ERBB4: variants seen among roughly 807,000 people sequenced by gnomAD.
The protein encoded by ERBB4 is erb-b2 receptor tyrosine kinase 4.
ERBB4 carries 42 observed loss-of-function variants against 158.0 expected under a neutral mutation model. The ratio of observed to expected loss-of-function variants is 0.27; its 90% CI spans 0.21 to 0.34. ERBB4 has a LOEUF of 0.34. Among genes scored for constraint, ERBB4 ranks in the 10% least tolerant of loss-of-function variants. The probability of loss-of-function intolerance (pLI) is 1.00; values close to 1 mark genes in which losing one functional copy is unlikely to be tolerated. For synonymous variants in ERBB4, 583 were observed against 558.7 expected (o/e 1.04, Z -0.61); for missense variants, 1,333 against 1,624.1 (o/e 0.82, Z 3.08).
intron 1 of ERBB4, among the ~76,000 whole-genome samples, chr2:212,164,300 A>AG (rs1441882649): frequency 6.6e-6 from 1 of 151,842 alleles, no homozygotes; most frequent in African/African-American, 2.4e-5. Flanking sequence ...TATTTTTAAA[A>AG]AAACAACAAA....
At chr2:211,465,606 T>A (rs907565135) in intron 20 of ERBB4, among the ~76,000 whole-genome samples, 1 of 152,120 alleles carries the variant, frequency 6.6e-6, no homozygotes, top group Non-Finnish European at 1.5e-5. Flanking sequence ...ATACTGCTTA[T>A]GCCTATGAAA....
At chr2:212,482,573 T>G (rs901039762) in intron 1 of ERBB4, among the ~76,000 whole-genome samples, 3 of 152,194 alleles carry the variant, frequency 2.0e-5, no homozygotes, top group Non-Finnish European at 4.4e-5. Context: ...TTTAACAAGA[T>G]ACTTGTAGTT....
intron 2 of ERBB4, among the ~76,000 whole-genome samples, chr2:212,056,652 C>T (rs1015311195): frequency 3.9e-5 from 6 of 152,144 alleles, no homozygotes; most frequent in East Asian, 3.9e-4. Context: ...GAATTTTCAA[C>T]CCAGAATTTC....
At chr2:211,565,635 T>C (rs2067523761) in intron 19 of ERBB4, among the ~76,000 whole-genome samples, 1 of 152,162 alleles carries the variant, frequency 6.6e-6, no homozygotes, top group Non-Finnish European at 1.5e-5. Flanking sequence ...TCCCTACTAT[T>C]TTACCGCTGT....
rs113903035 is a variant in ERBB4 at position 211,602,135 on chromosome 2, C to T, written c.2301+17042G>A. On this transcript the variant is annotated intron_variant, in intron 19 of 27. Transcript: ENST00000342788. ...GTGTTGGGTGTAGGGGGGTGGTCAG[C>T]AGTTTGAGTGTGAGAACACTTGGTA... Among the ~76,000 whole-genome samples the T allele has an allele frequency of 1.1e-3, 167 of 152,082 alleles. 1 individual carries two copies. Among genetic ancestry groups the T allele is most frequent in the African/African-American group, 3.5e-3 (144 of 41,488 alleles).
chr2:212,354,936 T>A (rs531271364), intron 1 of ERBB4, among the ~76,000 whole-genome samples: 1 of 152,112 alleles, frequency 6.6e-6, no homozygotes, highest in East Asian at 1.9e-4. Context: ...GTTAGGCTTA[T>A]GAGTGCTACA....
intron 2 of ERBB4, among the ~76,000 whole-genome samples, chr2:211,993,529 GACA>G (rs1203204299): frequency 6.6e-6 from 1 of 151,688 alleles, no homozygotes; most frequent in Admixed American, 6.6e-5. Context: ...GAAGAAGGAT[GACA>G]ACGTTATCAC....
intron 1 of ERBB4, among the ~76,000 whole-genome samples, chr2:212,351,717 T>A (rs2089260952): frequency 6.6e-6 from 1 of 152,160 alleles, no homozygotes; most frequent in African/African-American, 2.4e-5. Flanking sequence ...GGTAGTCATT[T>A]TTTTGTCTTT....
rs1028495796 is a variant in ERBB4 at position 211,597,919 on chromosome 2, A to T, written c.2301+21258T>A. ...ATATCTTTGTATGTTATTATTTGATAAGAGAATCTATTTTATTTCATTAAT... is the reference window on the plus strand; with the variant it reads ...ATATCTTTGTATGTTATTATTTGATTAGAGAATCTATTTTATTTCATTAAT... On this transcript the variant is annotated intron_variant, in intron 19 of 27. Transcript: ENST00000342788. 2.0e-5 allele frequency among the ~76,000 whole-genome samples: 3 copies of T among 152,284 alleles called. No individual in the cohort carries two copies. The East Asian group carries it at 5.8e-4, about 29-fold the overall frequency.
rs116649367 is a variant in ERBB4, at chr2:211,881,004, T to C, written c.421+66426A>G. ...CTGGAAAATTAAAGTTAAGCAAACT[T>C]TCCACTCAATGGGTGCCAAGACCAT... On this transcript the variant is annotated intron_variant, in intron 3 of 27. Coordinates refer to ENST00000342788, the MANE Select transcript of ERBB4 (RefSeq NM_005235.3). 5.1e-3 allele frequency among the ~76,000 whole-genome samples: 772 copies of C among 152,270 alleles called. 10 individuals carry two copies. Among genetic ancestry groups the C allele is most frequent in the Middle Eastern group, 0.031 (9 of 294 alleles).
chr2:212,421,227 A>C (rs2091784763), intron 1 of ERBB4, among the ~76,000 whole-genome samples: 1 of 152,100 alleles, frequency 6.6e-6, no homozygotes, highest in African/African-American at 2.4e-5. Flanking sequence ...ATGCCTGGTT[A>C]TATTTGTTTA....
chr2:211,410,115 C>T (rs1166086256), intron 25 of ERBB4, among the ~76,000 whole-genome samples: 1 of 152,052 alleles, frequency 6.6e-6, no homozygotes, highest in Non-Finnish European at 1.5e-5. Context: ...GAAGGAAAAC[C>T]AAGTGCCAAA....
intron 3 of ERBB4, among the ~76,000 whole-genome samples, chr2:211,923,466 A>AC (rs1491117655): frequency 7.9e-5 from 12 of 152,284 alleles, no homozygotes; most frequent in African/African-American, 2.9e-4. Context: ...AACAGTGAAT[A>AC]GGTATGGGAA....
At chr2:212,206,873 C>T (rs1274237436) in intron 1 of ERBB4, among the ~76,000 whole-genome samples, 1 of 151,984 alleles carries the variant, frequency 6.6e-6, no homozygotes, top group Non-Finnish European at 1.5e-5. Context: ...CAGGCATGAG[C>T]CACCGCGCCC....
chr2:211,491,818 C>T (rs2065350573), intron 20 of ERBB4, among the ~76,000 whole-genome samples: 1 of 152,032 alleles, frequency 6.6e-6, no homozygotes, highest in East Asian at 1.9e-4. Flanking sequence ...TTCCCCACAT[C>T]ATTTCTGCCT....
intron 1 of ERBB4, among the ~76,000 whole-genome samples, chr2:212,219,847 T>G (rs567571384): frequency 6.6e-6 from 1 of 151,104 alleles, no homozygotes. Context: ...GTTTTGTCAA[T>G]GAAAACAACC....
At chr2:212,310,472 T>C (rs947479360) in intron 1 of ERBB4, among the ~76,000 whole-genome samples, 4 of 150,786 alleles carry the variant, frequency 2.7e-5, no homozygotes, top group Non-Finnish European at 4.5e-5. Context: ...CAATATTTTT[T>C]ACTCCTTACA....
At chr2:211,563,325 T>A (rs1466845664) in intron 19 of ERBB4, among the ~76,000 whole-genome samples, 2 of 152,340 alleles carry the variant, frequency 1.3e-5, no homozygotes, top group East Asian at 3.9e-4. Context: ...AGTAAATTTT[T>A]GCTTTTGAAA....
chr2:211,396,570 G>A (rs1260457148), intron 25 of ERBB4, among the ~76,000 whole-genome samples: 1 of 152,162 alleles, frequency 6.6e-6, no homozygotes, highest in East Asian at 1.9e-4. Context: ...ATCTATGTGT[G>A]AGAATGTAAA....
Sources: allele counts gnomAD v4.1 joint callset (sites outside exome capture counted in the v4.1 genomes callset), GRCh38; gene constraint gnomAD v4.1.1; transcripts MANE v1.5; gene names NCBI Gene and HGNC (gene_info 2026-07-23, HGNC 2026-07-21).